Variants in SEZ6 observed in about 807,000 individuals in gnomAD.
SEZ6 encodes seizure protein 6 homolog.
In SEZ6, 53 loss-of-function variants were observed where a neutral mutation model predicts 101.0. The ratio of observed to expected loss-of-function variants is 0.52; its 90% CI spans 0.42 to 0.66. SEZ6 has a LOEUF of 0.66. Among genes scored for constraint, SEZ6 ranks in the 30% least tolerant of loss-of-function variants. The pLI is 0.00. For synonymous variants in SEZ6, 488 were observed against 512.2 expected (o/e 0.95, Z 0.64); for missense variants, 1,102 against 1,289.4 (o/e 0.85, Z 2.23).
In SEZ6 at chr17:29,005,921, G is replaced by A; in HGVS notation, c.-52C>T. 3 of 1,374,588 alleles carry A rather than the reference G, an allele frequency of 2.2e-6. No individual in the cohort carries two copies. The highest frequency in any genetic ancestry group is 1.5e-5 in the African/African-American group (1 of 66,332). 85.1% of individuals were successfully genotyped at this position (1,374,588 alleles called of 1,614,324 possible). On this transcript the variant is annotated 5_prime_UTR_variant, in exon 1 of 17. Coordinates refer to ENST00000317338, the MANE Select transcript of SEZ6 (RefSeq NM_178860.5). The surrounding 1 kb of genome is among the most constrained non-coding windows in gnomAD (Gnocchi z 4.8). Reference sequence around the variant, plus strand: ...CTGGGACCGCGGCGGGAGGGCGGGGGGCTTGGTGGGGCTTGGGCGCGGGGG... The same window carrying A: ...CTGGGACCGCGGCGGGAGGGCGGGGAGCTTGGTGGGGCTTGGGCGCGGGGG...
At chr17:28,987,965 C>T (rs1239292446) in intron 1 of SEZ6, among the ~76,000 whole-genome samples, 1 of 152,194 alleles carries the variant, frequency 6.6e-6, no homozygotes, top group Non-Finnish European at 1.5e-5. Flanking sequence ...TATCTCCCCA[C>T]CAAGCTGGAC....
In SEZ6 at chr17:28,979,732, A is replaced by C; in HGVS notation, c.806T>G (p.Leu269Arg). Reference sequence around the variant, plus strand: ...GACAGAGATGTAGAAGAAGCAGTCCAGGCCAACATCAGTGGGGGAGCTGAG... The same window carrying C: ...GACAGAGATGTAGAAGAAGCAGTCCCGGCCAACATCAGTGGGGGAGCTGAG... ...TDLSSPTDVG[L>R]DCFFYISVYP... The change falls in exon 3 of 17, where the codon CTG becomes CGG. Residue 269 changes from leucine (L) to arginine (R), a missense_variant. Coordinates refer to ENST00000317338, the MANE Select transcript of SEZ6 (RefSeq NM_178860.5). 6.2e-7 allele frequency: 1 copy of C among 1,614,020 alleles called. No individual in the cohort carries two copies. Among genetic ancestry groups the C allele is most frequent in the Admixed American group, 1.7e-5 (1 of 60,022 alleles).
Position 28,957,346 on chromosome 17 carries a change from A to G in SEZ6, c.2494+2T>C. ...TTTCCCTCCTACTCAATTGACACTT[A>G]CGGAGACATTTAGGGGCCCGGTCAC... is the stretch of plus-strand genomic sequence containing the variant. On this transcript the variant is annotated splice_donor_variant, in intron 12 of 16. Transcript: ENST00000317338. LOFTEE classifies it high-confidence loss of function. 1 of 1,612,410 alleles carries G rather than the reference A, an allele frequency of 6.2e-7. No homozygotes were observed. Among genetic ancestry groups the G allele is most frequent in the Non-Finnish European group, 8.5e-7 (1 of 1,178,620 alleles).
At chr17:28,991,250 G>C (rs1362868637) in intron 1 of SEZ6, among the ~76,000 whole-genome samples, 1 of 151,936 alleles carries the variant, frequency 6.6e-6, no homozygotes, top group Non-Finnish European at 1.5e-5. Flanking sequence ...TGTCACCGAG[G>C]CTGGAGTGCA....
intron 1 of SEZ6, among the ~76,000 whole-genome samples, chr17:28,982,496 G>A (rs533035129): frequency 6.6e-6 from 1 of 152,196 alleles, no homozygotes; most frequent in Non-Finnish European, 1.5e-5. Flanking sequence ...GATGAAAACC[G>A]TAAGTGTGTC....
Position 28,958,059 on chromosome 17 carries a change from G to A in SEZ6, c.2190C>T (p.His730=), listed in dbSNP as rs778151049. ...AGCACTGGTAAGTGACCACGGTGCCGTGCACTAGCTCAGGCTGCGATGGGC... is the reference window on the plus strand; with the variant it reads ...AGCACTGGTAAGTGACCACGGTGCCATGCACTAGCTCAGGCTGCGATGGGC... ...WKSPSQPELV[H]GTVVTYQCYP... Residue 730 remains histidine, a synonymous_variant, in exon 11 of 17, where the codon CAC becomes CAT. Transcript: ENST00000317338. 30 of 1,613,492 alleles carry A rather than the reference G, an allele frequency of 1.9e-5. No homozygotes were observed. The highest frequency in any genetic ancestry group is 1.3e-4 in the Admixed American group (8 of 59,998).
intron 1 of SEZ6, among the ~76,000 whole-genome samples, chr17:28,984,447 T>C (rs2041350250): frequency 6.6e-6 from 1 of 152,192 alleles, no homozygotes; most frequent in African/African-American, 2.4e-5. Context: ...AGTAGGTACC[T>C]GTGTGACTCT....
chr17:28,999,373 G>T (rs1301643895), intron 1 of SEZ6, among the ~76,000 whole-genome samples: 1 of 152,034 alleles, frequency 6.6e-6, no homozygotes, highest in Admixed American at 6.6e-5. Flanking sequence ...CTCATCTCCT[G>T]GCAGAGCCCC....
intron 4 of SEZ6, among the ~76,000 whole-genome samples, chr17:28,968,035 G>A (rs1031892758): frequency 6.6e-6 from 1 of 151,860 alleles, no homozygotes; most frequent in Non-Finnish European, 1.5e-5. Flanking sequence ...GAGGGGAGTT[G>A]ACTTGGTCTT....
chr17:28,978,700 C>A (rs895314674), intron 3 of SEZ6, among the ~76,000 whole-genome samples: 1 of 152,080 alleles, frequency 6.6e-6, no homozygotes, highest in African/African-American at 2.4e-5. Flanking sequence ...ATTCAGGAGC[C>A]CTTAGAGAGG....
chr17:28,982,095 C>A (rs1221848612), intron 1 of SEZ6, 56 bp from the exon 2 acceptor site: 1 of 1,503,258 alleles, frequency 6.7e-7, no homozygotes, highest in African/African-American at 1.4e-5. Context: ...AGCAGCATCA[C>A]GCCCAACTCG....
intron 1 of SEZ6, among the ~76,000 whole-genome samples, chr17:28,989,328 A>G (rs1298882346): frequency 1.3e-5 from 2 of 152,192 alleles, no homozygotes; most frequent in Non-Finnish European, 2.9e-5. Flanking sequence ...TAAGTGCTTT[A>G]TCAGAATTAA....
chr17:28,955,939 C>G lies in SEZ6; in HGVS notation c.*23G>C. 1 of 1,610,678 alleles carries G rather than the reference C, an allele frequency of 6.2e-7. No individual in the cohort carries two copies. On this transcript the variant is annotated 3_prime_UTR_variant, in exon 17 of 17. Transcript: ENST00000317338. ...GCAAGTCTGAGTTGACTTCCCTAGACTGCCCCCACCTAGATGGAGACTTCA... is the reference window on the plus strand; with the variant it reads ...GCAAGTCTGAGTTGACTTCCCTAGAGTGCCCCCACCTAGATGGAGACTTCA...
At chr17:28,957,842 A>C (rs904887957) in intron 11 of SEZ6, 105 bp downstream of exon 11, 1 of 1,306,470 alleles carries the variant, frequency 7.7e-7, no homozygotes, top group Non-Finnish European at 1.1e-6. Flanking sequence ...AGGTGAAGGA[A>C]CTTTGAAGAT....
intron 5 of SEZ6, among the ~76,000 whole-genome samples, chr17:28,962,136 G>A (rs145717455): frequency 5.3e-4 from 80 of 152,180 alleles, no homozygotes; most frequent in African/African-American, 1.7e-3. Context: ...CCCTCTCCCC[G>A]CATACCCTCT....
At chr17:28,997,947 T>C (rs2041564584) in intron 1 of SEZ6, among the ~76,000 whole-genome samples, 1 of 151,976 alleles carries the variant, frequency 6.6e-6, no homozygotes, top group Admixed American at 6.6e-5. Flanking sequence ...CCACACTGCC[T>C]GATGCCTCCC....
At chr17:28,998,381 G>A (rs903233146) in intron 1 of SEZ6, among the ~76,000 whole-genome samples, 1 of 151,788 alleles carries the variant, frequency 6.6e-6, no homozygotes, top group Non-Finnish European at 1.5e-5. Flanking sequence ...TGCCAAGGTT[G>A]ATGCCACAGT....
At chr17:29,006,073 G>A (rs1598222072), upstream of SEZ6, 1 of 356,228 alleles carries the variant, frequency 2.8e-6, no homozygotes, top group East Asian at 4.8e-5. Flanking sequence ...CGCCGAGCGG[G>A]GCTGGGGGCG....
intron 1 of SEZ6, among the ~76,000 whole-genome samples, chr17:28,997,096 G>A (rs1319624876): frequency 6.6e-6 from 1 of 152,086 alleles, no homozygotes; most frequent in Non-Finnish European, 1.5e-5. Flanking sequence ...GGCAGAGGGA[G>A]GCATGGGAGA....
Sources: allele counts gnomAD v4.1 joint callset (sites outside exome capture counted in the v4.1 genomes callset), GRCh38; gene constraint gnomAD v4.1.1; non-coding constraint Gnocchi (gnomAD v3.1); transcripts MANE v1.5; gene names NCBI Gene and HGNC (gene_info 2026-07-23, HGNC 2026-07-21).